HDAC9: variants seen among roughly 807,000 people sequenced by gnomAD.
HDAC9 encodes the protein histone deacetylase 9, also known as MEF-2 interacting transcription repressor (MITR) protein.
In HDAC9, 41 loss-of-function variants were observed where a neutral mutation model predicts 139.4. That is an observed-to-expected ratio of 0.29 (90% CI 0.23 to 0.38). The LOEUF (loss-of-function observed/expected upper bound fraction) is 0.38. HDAC9 is among the 10% of genes least tolerant of loss of function. The pLI, the probability that HDAC9 is intolerant of heterozygous loss-of-function variation, is 1.00. For missense variants in HDAC9, 1,147 were observed against 1,297.0 expected, an observed-to-expected ratio of 0.88 and a Z score of 1.78; for synonymous variants, 517 against 476.2, an observed-to-expected ratio of 1.09 and a Z score of -1.12.
At chr7:18,181,702 A>G (rs1002775436) in intron 2 of HDAC9, among the ~76,000 whole-genome samples, 6 of 152,020 alleles carry the variant, frequency 3.9e-5, no homozygotes, top group Non-Finnish European at 7.4e-5. Flanking sequence ...CAAACTACTC[A>G]TACCTGTCCC....
chr7:18,472,333 A>G (rs913693990), intron 1 of HDAC9, among the ~76,000 whole-genome samples: 1 of 152,166 alleles, frequency 6.6e-6, no homozygotes, highest in African/African-American at 2.4e-5. Context: ...ACCCAAACAG[A>G]GTGGCCCAGC....
chr7:18,134,600 T>G (rs1785260869), intron 1 of HDAC9, among the ~76,000 whole-genome samples: 1 of 152,198 alleles, frequency 6.6e-6, no homozygotes, highest in African/African-American at 2.4e-5. Flanking sequence ...TTGTAAGTTA[T>G]CAACATAGTG....
At chr7:18,856,143 A>G (rs1306515730) in intron 21 of HDAC9, among the ~76,000 whole-genome samples, 1 of 152,124 alleles carries the variant, frequency 6.6e-6, no homozygotes, top group East Asian at 1.9e-4. Context: ...GAATGCTCTT[A>G]TAATATTTTG....
At chr7:18,437,491 G>A (rs975847579) in intron 1 of HDAC9, among the ~76,000 whole-genome samples, 1 of 151,202 alleles carries the variant, frequency 6.6e-6, no homozygotes, top group Admixed American at 6.6e-5. Flanking sequence ...AAGGGAAAAA[G>A]ATTGCAAATT....
intron 21 of HDAC9, among the ~76,000 whole-genome samples, chr7:18,865,000 A>G (rs1798386116): frequency 1.3e-5 from 2 of 152,220 alleles, no homozygotes; most frequent in South Asian, 4.1e-4. Context: ...ATATTTGTGA[A>G]TAGAGTCCTG....
intron 2 of HDAC9, among the ~76,000 whole-genome samples, chr7:18,574,823 A>C (rs1316476037): frequency 6.6e-6 from 1 of 152,250 alleles, no homozygotes; most frequent in Non-Finnish European, 1.5e-5. Context: ...TGCTGGGAGC[A>C]TGGAGAGGCC....
At chr7:18,359,751 G>T (rs1248026646) in intron 1 of HDAC9, among the ~76,000 whole-genome samples, 1 of 152,112 alleles carries the variant, frequency 6.6e-6, no homozygotes, top group Non-Finnish European at 1.5e-5. Flanking sequence ...TGGGACCACA[G>T]GCACGCACCA....
At chr7:18,285,523 A>G (rs185880964), upstream of HDAC9, among the ~76,000 whole-genome samples, 428 of 152,168 alleles carry the variant, frequency 2.8e-3, 2 homozygotes, top group Non-Finnish European at 2.8e-3. Context: ...TGAACGTTTT[A>G]AAAGATTCTT....
intron 19 of HDAC9, among the ~76,000 whole-genome samples, chr7:18,830,193 A>G (rs1022821419): frequency 6.6e-6 from 1 of 152,218 alleles, no homozygotes; most frequent in African/African-American, 2.4e-5. Flanking sequence ...TCCACAGTAT[A>G]TTCATGAATA....
intron 2 of HDAC9, among the ~76,000 whole-genome samples, chr7:18,575,080 C>G (rs1215926568): frequency 3.3e-5 from 5 of 152,238 alleles, no homozygotes; most frequent in Admixed American, 2.0e-4. Context: ...AGGCCAGCCA[C>G]TGCCATCACA....
chr7:18,575,700 A>G (rs990226295), intron 2 of HDAC9, among the ~76,000 whole-genome samples: 1 of 152,262 alleles, frequency 6.6e-6, no homozygotes, highest in South Asian at 2.1e-4. Flanking sequence ...AACAGCATAT[A>G]TTTGTAATTC....
chr7:18,388,571 A>G (rs1786163838), intron 1 of HDAC9, among the ~76,000 whole-genome samples: 1 of 152,214 alleles, frequency 6.6e-6, no homozygotes, highest in African/African-American at 2.4e-5. Context: ...AGGTTCTGAT[A>G]TATTGCTTCT....
intron 12 of HDAC9, among the ~76,000 whole-genome samples, chr7:18,717,340 C>T (rs1784777847): frequency 6.6e-6 from 1 of 152,094 alleles, no homozygotes; most frequent in African/African-American, 2.4e-5. Flanking sequence ...TAATAAAGAT[C>T]CTCACACGTT....
chr7:18,228,631 A>ATT (rs10652639), intron 2 of HDAC9, among the ~76,000 whole-genome samples: 3,570 of 152,266 alleles, frequency 0.023, 146 homozygotes, highest in African/African-American at 0.081. Context: ...TATTCTTAGC[A>ATT]TTATATATAT....
At chr7:18,290,587 C>T (rs1161596631) in intron 1 of HDAC9, 2 of 455,252 alleles carry the variant, frequency 4.4e-6, no homozygotes, top group African/African-American at 4.0e-5. Context: ...TTAAGTCTGA[C>T]TCTGCAAATC....
chr7:18,969,648 G>C (rs149267653), intron 24 of HDAC9, among the ~76,000 whole-genome samples: 4 of 151,736 alleles, frequency 2.6e-5, no homozygotes, highest in Non-Finnish European at 5.9e-5. Flanking sequence ...AAATTAAAAA[G>C]ATAAAAACCA....
intron 16 of HDAC9, among the ~76,000 whole-genome samples, chr7:18,778,625 T>C (rs997648180): frequency 9.2e-5 from 14 of 152,044 alleles, no homozygotes; most frequent in African/African-American, 3.4e-4. Flanking sequence ...AGCAGTTCAC[T>C]GAAATTGGAT....
chr7:18,889,945 G>T lies in HDAC9; in HGVS notation c.2803+15349G>T, dbSNP rs538784946. Among the ~76,000 whole-genome samples the T allele has an allele frequency of 3.9e-5, 6 of 152,278 alleles. No individual in the cohort carries two copies. The East Asian group carries it at 1.2e-3, about 29-fold the overall frequency. ...GTCTTGAACTCCTGTGCTCAAGTGA[G>T]CCTCTTAGCCTTCCAAAGTGTTGGG... On this transcript the variant is annotated intron_variant, in intron 22 of 25. Transcript: ENST00000686413.
intron 1 of HDAC9, chr7:18,151,884 T>C (rs1786806543): frequency 6.6e-6 from 1 of 152,220 alleles, no homozygotes; most frequent in Non-Finnish European, 1.5e-5. Context: ...AGCAAGGTAA[T>C]TTTTAAATTG....
Sources: allele counts gnomAD v4.1 joint callset (sites outside exome capture counted in the v4.1 genomes callset), GRCh38; gene constraint gnomAD v4.1.1; transcripts MANE v1.5; gene names NCBI Gene and HGNC (gene_info 2026-07-23, HGNC 2026-07-21).